The following ITGA8 variants were observed in gnomAD, a reference collection of about 807,000 sequenced individuals.
ITGA8 encodes integrin alpha-8.
In ITGA8, 91 loss-of-function variants were observed where a neutral mutation model predicts 142.3. The observed-to-expected ratio is 0.64, with a 90% CI of 0.54 to 0.76. The LOEUF is 0.76. Among genes scored for constraint, ITGA8 ranks in the 30% least tolerant of loss-of-function variants. ITGA8 has a pLI of 0.00. For synonymous variants in ITGA8, 505 were observed against 485.2 expected (o/e 1.04, Z -0.54); for missense variants, 1,406 against 1,327.7 (o/e 1.06, Z -0.92).
In ITGA8 at chr10:15,544,596, T is replaced by G. The variant is rs191756737; in HGVS notation, c.2880+3859A>C. On this transcript the variant is annotated intron_variant, in intron 27 of 29. Transcript: ENST00000378076. ...GACTAGAGAAAAACAGGATTTACAGTTTATGCTTTCAGACAAATTGCATCT... is the reference window on the plus strand; with the variant it reads ...GACTAGAGAAAAACAGGATTTACAGGTTATGCTTTCAGACAAATTGCATCT... Among the ~76,000 whole-genome samples, 5 of 152,292 alleles carry G rather than the reference T, an allele frequency of 3.3e-5. No homozygotes were observed. In the East Asian group the frequency reaches 9.6e-4, roughly 29 times the overall value.
intron 25 of ITGA8, among the ~76,000 whole-genome samples, chr10:15,570,610 CA>C (rs931457896): frequency 0.032 from 1,266 of 40,054 alleles, 9 homozygotes; most frequent in African/African-American, 0.088. Flanking sequence ...AACTCCATCT[CA>C]AAAAAAAAAA....
intron 27 of ITGA8, among the ~76,000 whole-genome samples, chr10:15,537,696 G>A (rs1381205914): frequency 2.0e-5 from 3 of 152,180 alleles, no homozygotes; most frequent in Non-Finnish European, 2.9e-5. Context: ...CTGCCTCATT[G>A]AAAAGTTGTT....
In ITGA8 at chr10:15,589,837, G is replaced by A. The variant is rs151017218; in HGVS notation, c.2291+2388C>T. The stretch of plus-strand genomic sequence containing the variant: ...GAGTGCAGTGGCGCAATCTTGACTC[G>A]CTGCAACCTCTGCCTGCCAGGTTCA... On this transcript the variant is annotated intron_variant, in intron 22 of 29. Transcript: ENST00000378076. 3.9e-3 allele frequency among the ~76,000 whole-genome samples: 573 copies of A among 146,672 alleles called. 4 individuals are homozygous for A. Among genetic ancestry groups the A allele is most frequent in the African/African-American group, 0.014 (545 of 39,404 alleles).
intron 2 of ITGA8, among the ~76,000 whole-genome samples, chr10:15,698,180 T>C (rs1358396016): frequency 1.3e-5 from 2 of 152,218 alleles, no homozygotes; most frequent in African/African-American, 4.8e-5. Flanking sequence ...CATTTCTGAC[T>C]TACTTCACTC....
Position 15,625,009 on chromosome 10 carries a change from G to A in ITGA8, c.1400-8450C>T, listed in dbSNP as rs907059357. 2.0e-5 allele frequency among the ~76,000 whole-genome samples: 3 copies of A among 152,002 alleles called. No homozygotes were observed. The South Asian group carries it at 6.2e-4, about 32-fold the overall frequency. On this transcript the variant is annotated intron_variant, in intron 13 of 29. Coordinates refer to ENST00000378076, the MANE Select transcript of ITGA8 (RefSeq NM_003638.3). Reference sequence around the variant, plus strand: ...GTTAATCTAAAAATAGAAGTTGCCTGTCTGCCTTGCTTTTTTATTGCAACA... The same window carrying A: ...GTTAATCTAAAAATAGAAGTTGCCTATCTGCCTTGCTTTTTTATTGCAACA...
chr10:15,562,481 A>G (rs946886280), intron 25 of ITGA8, among the ~76,000 whole-genome samples: 1 of 152,152 alleles, frequency 6.6e-6, no homozygotes, highest in Non-Finnish European at 1.5e-5. Flanking sequence ...TGTTTCAAGT[A>G]ACTCATCATG....
chr10:15,679,544 T>C (rs1357358877), intron 4 of ITGA8, among the ~76,000 whole-genome samples: 1 of 152,150 alleles, frequency 6.6e-6, no homozygotes, highest in Admixed American at 6.5e-5. Flanking sequence ...ATCATGCCAC[T>C]GCACTCCAGC....
chr10:15,556,562 C>A (rs562032034), intron 26 of ITGA8, among the ~76,000 whole-genome samples: 1 of 152,184 alleles, frequency 6.6e-6, no homozygotes, highest in East Asian at 1.9e-4. Context: ...TTTTATATAT[C>A]TATTGTAATT....
chr10:15,517,904 T>G (rs539538413), intron 29 of ITGA8, among the ~76,000 whole-genome samples: 2 of 152,364 alleles, frequency 1.3e-5, no homozygotes, highest in South Asian at 4.1e-4. Flanking sequence ...GCAGAAGCAC[T>G]AACTATTGAC....
At chr10:15,710,982 G>C (rs1182029229) in intron 2 of ITGA8, among the ~76,000 whole-genome samples, 1 of 152,106 alleles carries the variant, frequency 6.6e-6, no homozygotes, top group Non-Finnish European at 1.5e-5. Context: ...AAATATCAGA[G>C]CTGAAGAAGA....
intron 9 of ITGA8, among the ~76,000 whole-genome samples, chr10:15,660,501 G>A (rs1834264613): frequency 6.6e-6 from 1 of 152,180 alleles, no homozygotes; most frequent in Admixed American, 6.5e-5. Context: ...ACATTTCTTT[G>A]CGTATACAGA....
chr10:15,532,812 CTT>C (rs1479343271), intron 27 of ITGA8, among the ~76,000 whole-genome samples: 2 of 152,034 alleles, frequency 1.3e-5, no homozygotes, highest in Non-Finnish European at 2.9e-5. Flanking sequence ...TAAATGTAAA[CTT>C]AAGTAAATTA....
chr10:15,554,755 T>C (rs1833859386), intron 26 of ITGA8, among the ~76,000 whole-genome samples: 1 of 150,782 alleles, frequency 6.6e-6, no homozygotes, highest in Admixed American at 6.6e-5. Context: ...TTCTTTTTTT[T>C]TTAATGAAGA....
At chr10:15,618,646 C>T (rs1312718648) in intron 13 of ITGA8, among the ~76,000 whole-genome samples, 3 of 152,110 alleles carry the variant, frequency 2.0e-5, no homozygotes, top group Non-Finnish European at 2.9e-5. Context: ...CCTGTCAGCA[C>T]GGCCAAAATA....
intron 11 of ITGA8, among the ~76,000 whole-genome samples, chr10:15,655,047 G>T (rs1188253335): frequency 2.0e-5 from 3 of 152,198 alleles, no homozygotes; most frequent in Non-Finnish European, 4.4e-5. Flanking sequence ...GGAGTGAAGA[G>T]AGATAGATGA....
chr10:15,714,013 C>T lies in ITGA8; in HGVS notation c.343+4753G>A, dbSNP rs1835407051. ...TTCCTGTCAACTTCTTATGTGGGCTCCTAACTGTGACTGGTTCCCAGCTGT... is the reference window on the plus strand; with the variant it reads ...TTCCTGTCAACTTCTTATGTGGGCTTCTAACTGTGACTGGTTCCCAGCTGT... On this transcript the variant is annotated intron_variant, in intron 2 of 29. Transcript: ENST00000378076. Among the ~76,000 whole-genome samples the T allele has an allele frequency of 2.6e-5, 4 of 152,244 alleles. No homozygotes were observed. The South Asian group carries it at 8.3e-4, about 32-fold the overall frequency.
In ITGA8 at chr10:15,575,964, A is replaced by AGTGTGT. The variant is rs761559396; in HGVS notation, c.2373-376_2373-371dup. On this transcript the variant is annotated intron_variant, in intron 23 of 29. Transcript: ENST00000378076. The stretch of plus-strand genomic sequence containing the variant: ...ACGTGTGTGTGTGTGTGTGTGTGTG[A>AGTGTGT]GTGTGTGTGTGTGTGTGTATGGGTT... 1.1e-3 allele frequency among the ~76,000 whole-genome samples: 150 copies of AGTGTGT among 142,536 alleles called. 1 individual carries two copies. Among genetic ancestry groups the AGTGTGT allele is most frequent in the African/African-American group, 3.7e-3 (144 of 39,332 alleles). 93.5% of individuals were successfully genotyped at this position (142,536 alleles called of 152,430 possible). A position where few individuals can be genotyped will look rare whatever the true frequency, so the allele number is the denominator to read the frequency against.
chr10:15,639,358 G>A (rs1363139337), intron 13 of ITGA8, among the ~76,000 whole-genome samples: 1 of 152,154 alleles, frequency 6.6e-6, no homozygotes, highest in East Asian at 1.9e-4. Flanking sequence ...AGAATCTAGG[G>A]TGGTTTTGCT....
intron 23 of ITGA8, among the ~76,000 whole-genome samples, chr10:15,584,862 G>A (rs941155264): frequency 6.6e-6 from 1 of 152,044 alleles, no homozygotes; most frequent in African/African-American, 2.4e-5. Flanking sequence ...TTTGAGACCA[G>A]CCTGGCCAAC....
Sources: gnomAD v4.1 joint callset for allele counts (sites outside exome capture counted in the v4.1 genomes callset) on GRCh38, gnomAD v4.1.1 for gene constraint, MANE v1.5 for transcripts, NCBI Gene and HGNC (gene_info 2026-07-23, HGNC 2026-07-21) for gene names.